The following AKAP13 variants were observed in gnomAD, a reference collection of about 807,000 sequenced individuals.
The protein encoded by AKAP13 is A-kinase anchoring protein 13.
AKAP13 carries 80 observed loss-of-function variants against 264.5 expected under a neutral mutation model. The observed-to-expected ratio is 0.30, with a 90% confidence interval of 0.25 to 0.36. AKAP13 has a LOEUF of 0.36. Among genes scored for constraint, AKAP13 ranks in the 10% least tolerant of loss-of-function variants. AKAP13 has a pLI of 1.00. For missense variants in AKAP13, 3,712 were observed against 3,435.2 expected, an observed-to-expected ratio of 1.08 and a Z score of -2.01; for synonymous variants, 1,380 against 1,250.2, an observed-to-expected ratio of 1.10 and a Z score of -2.19.
chr15:85,688,031 TAAAAA>T (rs60030351), intron 16 of AKAP13, among the ~76,000 whole-genome samples: 5 of 138,312 alleles, frequency 3.6e-5, no homozygotes, highest in Admixed American at 7.3e-5. Context: ...CCCTGTCTCT[TAAAAA>T]AAAAAAAAAA....
intron 17 of AKAP13, 44 bp downstream of exon 17, chr15:85,693,495 G>C (rs1360576575): frequency 6.3e-7 from 1 of 1,590,276 alleles, no homozygotes; most frequent in South Asian, 1.2e-5. Context: ...AACTCTCTTG[G>C]CTCAAGAAAG....
chr15:85,647,947 CA>C (rs965958301), intron 10 of AKAP13, among the ~76,000 whole-genome samples: 23 of 151,716 alleles, frequency 1.5e-4, no homozygotes, highest in African/African-American at 4.3e-4. Context: ...AAAAACAAAA[CA>C]AAAAAAACTC....
chr15:85,695,926 G>A (rs1380742651), intron 17 of AKAP13, among the ~76,000 whole-genome samples: 1 of 152,188 alleles, frequency 6.6e-6, no homozygotes, highest in East Asian at 1.9e-4. Flanking sequence ...TTTAGCCATT[G>A]GACACAGTTA....
At position 85,719,647 on chromosome 15, in the gene AKAP13, T is replaced by C. The variant is rs148693752; in HGVS notation, c.6252+321T>C. Among the ~76,000 whole-genome samples the C allele has an allele frequency of 9.9e-3, 1,499 of 152,160 alleles. 28 individuals carry two copies. Among genetic ancestry groups the C allele is most frequent in the African/African-American group, 0.034 (1,396 of 41,498 alleles). On this transcript the variant is annotated intron_variant, in intron 23 of 36. Coordinates refer to ENST00000394518, the MANE Select transcript of AKAP13 (RefSeq NM_007200.5). Reference sequence around the variant, plus strand: ...GAAACAGTATAGTTTAAGAAATCAATTAATATGGCCAGGCACAGTGGCTCA... The same window carrying C: ...GAAACAGTATAGTTTAAGAAATCAACTAATATGGCCAGGCACAGTGGCTCA...
chr15:85,386,015 G>T (rs891646663), intron 1 of AKAP13, among the ~76,000 whole-genome samples: 2 of 151,818 alleles, frequency 1.3e-5, no homozygotes, highest in Admixed American at 1.3e-4. Context: ...AGTAGAGATG[G>T]GGCTTTTCCA....
At chr15:85,553,935 C>T (rs2078051939) in intron 5 of AKAP13, among the ~76,000 whole-genome samples, 2 of 152,168 alleles carry the variant, frequency 1.3e-5, no homozygotes, top group African/African-American at 4.8e-5. Context: ...CAGTTTCATC[C>T]CAGAACCATT....
chr15:85,564,308 C>A (rs2078527760), intron 5 of AKAP13, among the ~76,000 whole-genome samples: 1 of 152,138 alleles, frequency 6.6e-6, no homozygotes, highest in African/African-American at 2.4e-5. Context: ...TCCAAATTCT[C>A]CGATTCTTAA....
At chr15:85,471,750 A>G (rs527768286) in intron 1 of AKAP13, among the ~76,000 whole-genome samples, 3 of 152,358 alleles carry the variant, frequency 2.0e-5, no homozygotes, top group South Asian at 2.1e-4. Flanking sequence ...CTAGAATTGC[A>G]TAAGAATGGG....
intron 1 of AKAP13, among the ~76,000 whole-genome samples, chr15:85,442,488 ATAATATATATTATATTATATATAATATAT>A (rs2073719551): frequency 9.0e-6 from 1 of 111,114 alleles, no homozygotes; most frequent in Non-Finnish European, 1.8e-5. Flanking sequence ...TATAATATAT[ATAATATATATTATATTATATATAATATAT>A]ATTATATTAT....
intron 2 of AKAP13, among the ~76,000 whole-genome samples, chr15:85,488,390 T>A (rs1238913318): frequency 6.6e-6 from 1 of 152,262 alleles, no homozygotes; most frequent in East Asian, 1.9e-4. Context: ...TTTCTTGTGA[T>A]GTCTTTGTCT....
chr15:85,391,866 CCT>C lies in AKAP13; in HGVS notation c.-12+11070_-12+11071del, dbSNP rs577486564. On this transcript the variant is annotated intron_variant, in intron 1 of 36. Transcript: ENST00000394518. ...GCGGTGCGATCTCGGCTCACTGCAACCTCCGTCTCCCAGGTTCAAGCAATTCT... is the reference window on the plus strand; with the variant it reads ...GCGGTGCGATCTCGGCTCACTGCAACCCGTCTCCCAGGTTCAAGCAATTCT... Among the ~76,000 whole-genome samples, 71 of 152,122 alleles carry C rather than the reference CCT, an allele frequency of 4.7e-4. 1 individual carries two copies. Among genetic ancestry groups the C allele is most frequent in the African/African-American group, 1.3e-3 (55 of 41,484 alleles).
chr15:85,493,400 A>G (rs942057848), intron 2 of AKAP13, among the ~76,000 whole-genome samples: 5 of 152,194 alleles, frequency 3.3e-5, no homozygotes, highest in African/African-American at 9.7e-5. Flanking sequence ...ATAGGCCCTG[A>G]GTAGCTAGTG....
chr15:85,631,500 T>TCA lies in AKAP13; in HGVS notation c.4162-7873_4162-7872insAC, dbSNP rs1189326372. ...CACACACTTTCTCTCTCTCTCTCTC[T>TCA]CTCACACACACACACACACACACAC... On this transcript the variant is annotated intron_variant, in intron 8 of 36. Transcript: ENST00000394518. Among the ~76,000 whole-genome samples, 766 of 80,016 alleles carry TCA rather than the reference T, an allele frequency of 9.6e-3. 3 individuals are homozygous for TCA. Among genetic ancestry groups the TCA allele is most frequent in the African/African-American group, 0.023 (539 of 23,304 alleles). The allele number at this position is 80,016 out of a possible 152,430, so 52.5% of individuals were successfully genotyped here. A position where few individuals can be genotyped will look rare whatever the true frequency, so the allele number is the denominator to read the frequency against.
Position 85,723,115 on chromosome 15 carries a change from G to A in AKAP13, c.6540G>A (p.Leu2180=). The change falls in exon 26 of 37, where the codon CTG becomes CTA. Residue 2180 remains leucine, a synonymous_variant. Coordinates refer to ENST00000394518, the MANE Select transcript of AKAP13 (RefSeq NM_007200.5). ...AAGATCTAGCACAGTCCTTGAGCCTGGTGAAGGATGTGATTGGAGCTGTAG... is the reference window on the plus strand; with the variant it reads ...AAGATCTAGCACAGTCCTTGAGCCTAGTGAAGGATGTGATTGGAGCTGTAG... ...EQEDLAQSLS[L]VKDVIGAVDS... The A allele has an allele frequency of 6.2e-7, 1 of 1,614,142 alleles. No homozygotes were observed. Among genetic ancestry groups the A allele is most frequent in the South Asian group, 1.1e-5 (1 of 91,084 alleles).
chr15:85,627,789 C>T (rs2151436595), intron 8 of AKAP13: 1 of 152,366 alleles, frequency 6.6e-6, no homozygotes, highest in East Asian at 1.9e-4. Flanking sequence ...GTGAGGGTTC[C>T]ATGGCTTCCT....
At chr15:85,404,802 A>G (rs1036782047) in intron 1 of AKAP13, among the ~76,000 whole-genome samples, 1 of 152,210 alleles carries the variant, frequency 6.6e-6, no homozygotes, top group African/African-American at 2.4e-5. Flanking sequence ...AATGGCTGTT[A>G]GATTGTGGCT....
chr15:85,403,155 GT>G (rs1298790375), intron 1 of AKAP13, among the ~76,000 whole-genome samples: 2 of 152,090 alleles, frequency 1.3e-5, no homozygotes, highest in African/African-American at 2.4e-5. Context: ...AATAAGCTAT[GT>G]TTTCTTTAAT....
chr15:85,639,395 A>G lies in AKAP13; in HGVS notation c.4183A>G (p.Thr1395Ala). 1 of 1,612,068 alleles carries G rather than the reference A, an allele frequency of 6.2e-7. No individual in the cohort carries two copies. Among genetic ancestry groups the G allele is most frequent in the Non-Finnish European group, 8.5e-7 (1 of 1,179,286 alleles). The change falls in exon 9 of 37, where the codon ACA becomes GCA. Residue 1395 changes from threonine (T) to alanine (A), a missense_variant. By Grantham distance (58) the Thr-to-Ala change is moderately conservative. This residue lies in a region of AKAP13 where 2,759 missense variants were observed against 2,411.7 expected (regional missense o/e 1.14). Transcript: ENST00000394518. ...TQAINRENWC[T>A]IEPCPDAASL... ...TCAGATAAACCGAGAAAACTGGTGT[A>G]CAATAGAGCCATGCCCTGATGCAGC...
chr15:85,668,396 A>G (rs1183178374), intron 13 of AKAP13, among the ~76,000 whole-genome samples: 1 of 152,218 alleles, frequency 6.6e-6, no homozygotes, highest in African/African-American at 2.4e-5. Context: ...GAAGTGTGCT[A>G]GTGGACACTA....
Sources: gnomAD v4.1 joint callset for allele counts (sites outside exome capture counted in the v4.1 genomes callset) on GRCh38, gnomAD v4.1.1 for gene constraint, gnomAD v4.1.1 regional missense constraint, MANE v1.5 for transcripts, NCBI Gene and HGNC (gene_info 2026-07-23, HGNC 2026-07-21) for gene names.